EHD4: variants seen among roughly 807,000 people sequenced by gnomAD.
The protein encoded by EHD4 is EH domain-containing protein 4.
Under a neutral mutation model 51.0 loss-of-function variants are expected in EHD4, and 37 were observed. The observed-to-expected ratio is 0.73, with a 90% CI of 0.56 to 0.95. EHD4 has a LOEUF of 0.95. EHD4 is among the 40% of genes least tolerant of loss of function. The pLI, the probability that EHD4 is intolerant of heterozygous loss-of-function variation, is 0.00. For missense variants in EHD4, 632 were observed against 733.1 expected, an observed-to-expected ratio of 0.86 and a Z score of 1.59; for synonymous variants, 297 against 317.3, an observed-to-expected ratio of 0.94 and a Z score of 0.68.
chr15:41,970,931 C>G (rs1456685754), intron 1 of EHD4, among the ~76,000 whole-genome samples: 2 of 152,208 alleles, frequency 1.3e-5, no homozygotes, highest in African/African-American at 4.8e-5. Flanking sequence ...TACTGTAATA[C>G]AGCTATGGTT....
intron 4 of EHD4, among the ~76,000 whole-genome samples, chr15:41,915,767 C>A (rs542162810): frequency 6.6e-6 from 1 of 152,098 alleles, no homozygotes; most frequent in Non-Finnish European, 1.5e-5. Context: ...ATGAAATGAA[C>A]CCTGATTGGC....
intron 5 of EHD4, among the ~76,000 whole-genome samples, chr15:41,906,843 C>A (rs1407725976): frequency 6.6e-6 from 1 of 152,158 alleles, no homozygotes. Flanking sequence ...CTGGCTGGAT[C>A]CTGCACTTGC....
chr15:41,941,561 A>T (rs760919505), intron 3 of EHD4: 2 of 150,920 alleles, frequency 1.3e-5, no homozygotes. Context: ...ATTTATGAAT[A>T]GCATTAACCT....
chr15:41,952,977 G>A (rs941287594), intron 2 of EHD4, among the ~76,000 whole-genome samples: 1 of 112,040 alleles, frequency 8.9e-6, no homozygotes, highest in African/African-American at 3.5e-5. Flanking sequence ...GAGACAGAAT[G>A]AGACTCTATC....
intron 3 of EHD4, among the ~76,000 whole-genome samples, chr15:41,929,802 T>C (rs1366705063): frequency 6.6e-6 from 1 of 152,148 alleles, no homozygotes; most frequent in Non-Finnish European, 1.5e-5. Flanking sequence ...GTAAGCTTCT[T>C]TGAAATAAAA....
intron 5 of EHD4, among the ~76,000 whole-genome samples, chr15:41,906,804 G>A (rs1423741810): frequency 6.6e-6 from 1 of 152,248 alleles, no homozygotes; most frequent in Non-Finnish European, 1.5e-5. Flanking sequence ...CATGCACAGA[G>A]CCTGCTCCTA....
intron 5 of EHD4, among the ~76,000 whole-genome samples, chr15:41,908,919 T>C (rs1041251603): frequency 1.3e-4 from 20 of 152,232 alleles, no homozygotes; most frequent in African/African-American, 4.8e-4. Flanking sequence ...AGTTTGTGGC[T>C]CCTGCTTTAC....
At chr15:41,951,800 G>A (rs531485608) in intron 2 of EHD4, among the ~76,000 whole-genome samples, 5 of 152,254 alleles carry the variant, frequency 3.3e-5, no homozygotes, top group East Asian at 1.9e-4. Context: ...GGGTTCTCCC[G>A]CCCAGGGCTT....
chr15:41,960,244 C>T (rs938346335), intron 1 of EHD4, among the ~76,000 whole-genome samples: 25 of 152,170 alleles, frequency 1.6e-4, no homozygotes, highest in Admixed American at 5.9e-4. Flanking sequence ...ATTTTTATTC[C>T]TAGTTTATAG....
intron 3 of EHD4, among the ~76,000 whole-genome samples, chr15:41,931,833 C>T (rs112386350): frequency 3.9e-4 from 59 of 152,088 alleles, no homozygotes; most frequent in African/African-American, 1.3e-3. Flanking sequence ...CACGCCACCA[C>T]GCCTGGCTAA....
intron 5 of EHD4, among the ~76,000 whole-genome samples, chr15:41,904,438 C>G (rs767377753): frequency 6.6e-6 from 1 of 152,186 alleles, no homozygotes; most frequent in African/African-American, 2.4e-5. Context: ...AGCACCAAAC[C>G]ATCATCATCC....
chr15:41,913,266 C>T (rs981161409), intron 4 of EHD4, among the ~76,000 whole-genome samples: 1 of 152,226 alleles, frequency 6.6e-6, no homozygotes, highest in Non-Finnish European at 1.5e-5. Flanking sequence ...GAGATCACTC[C>T]TGCAATTATG....
chr15:41,896,532 G>C lies in EHD4; in HGVS notation c.*4113C>G, dbSNP rs925513151. The C allele has an allele frequency of 2.0e-5, 3 of 152,112 alleles. No homozygotes were observed. Among genetic ancestry groups the C allele is most frequent in the Non-Finnish European group, 4.4e-5 (3 of 68,026 alleles). The allele number at this position is 152,112 out of a possible 1,614,324, so 9.4% of individuals were successfully genotyped here. On this transcript the variant is annotated 3_prime_UTR_variant, in exon 6 of 6. Transcript: ENST00000220325. ...CTCATCCAAACCTCACTTGAAGTGAGGGTGGGAGGAGGAGTGCTCTGCAAG... is the reference window on the plus strand; with the variant it reads ...CTCATCCAAACCTCACTTGAAGTGACGGTGGGAGGAGGAGTGCTCTGCAAG...
At chr15:41,950,795 A>G (rs901841923) in intron 2 of EHD4, among the ~76,000 whole-genome samples, 2 of 152,120 alleles carry the variant, frequency 1.3e-5, no homozygotes, top group African/African-American at 4.8e-5. Context: ...CTGGATTCCA[A>G]TCCCCTCTCT....
At chr15:41,943,219 A>G in intron 2 of EHD4, 55 bp from the exon 3 acceptor site, 1 of 1,418,750 alleles carries the variant, frequency 7.0e-7, no homozygotes, top group Non-Finnish European at 9.7e-7. Context: ...AGAGTGCTCC[A>G]ACCATGGGGC....
chr15:41,925,247 C>T (rs780783442), intron 3 of EHD4, among the ~76,000 whole-genome samples: 4 of 152,160 alleles, frequency 2.6e-5, no homozygotes, highest in Non-Finnish European at 5.9e-5. Flanking sequence ...GGCTACATAC[C>T]TAAGCTGGCT....
Position 41,900,919 on chromosome 15 carries a change from T to C in EHD4, c.1352A>G (p.Tyr451Cys), listed in dbSNP as rs776543447. 4 of 1,614,158 alleles carry C rather than the reference T, an allele frequency of 2.5e-6. No individual in the cohort carries two copies. In the East Asian group the frequency reaches 8.9e-5, roughly 36 times the overall value. ...CGACAGAGTGTAGAAGAGCTCGTCGTAGACGGGCTTGTCTTTGGCCACGAC... is the reference window on the plus strand; with the variant it reads ...CGACAGAGTGTAGAAGAGCTCGTCGCAGACGGGCTTGTCTTTGGCCACGAC... Reference protein sequence around the residue: ...EWVVAKDKPVYDELFYTLSPI... With the variant: ...EWVVAKDKPVCDELFYTLSPI... Residue 451 changes from tyrosine (Y) to cysteine (C), a missense_variant, in exon 6 of 6, where the codon TAC (tyrosine) becomes TGC (cysteine). Transcript: ENST00000220325. The surrounding 1 kb of genome is among the most constrained non-coding windows in gnomAD (Gnocchi z 4.8).
intron 1 of EHD4, among the ~76,000 whole-genome samples, chr15:41,957,688 C>T (rs915188720): frequency 3.3e-5 from 5 of 152,176 alleles, no homozygotes; most frequent in Non-Finnish European, 5.9e-5. Flanking sequence ...CTACACTGCC[C>T]CCAGCTCCCT....
intron 5 of EHD4, among the ~76,000 whole-genome samples, chr15:41,905,883 G>A (rs1430690835): frequency 1.3e-5 from 2 of 152,194 alleles, no homozygotes; most frequent in African/African-American, 4.8e-5. Context: ...TGTTGCCCAG[G>A]TTGTTCTCCA....
Sources: gnomAD v4.1 joint callset for allele counts (sites outside exome capture counted in the v4.1 genomes callset) on GRCh38, gnomAD v4.1.1 for gene constraint, Gnocchi (gnomAD v3.1) non-coding constraint, MANE v1.5 for transcripts, NCBI Gene and HGNC (gene_info 2026-07-23, HGNC 2026-07-21) for gene names.